The following TENM2 variants were observed in gnomAD, a reference collection of about 807,000 sequenced individuals.
The protein encoded by TENM2 is teneurin-2.
In TENM2, 52 loss-of-function variants were observed where a neutral mutation model predicts 245.2. The ratio of observed to expected loss-of-function variants is 0.21; its 90% confidence interval spans 0.17 to 0.27. TENM2 has a LOEUF of 0.27. Among genes scored for constraint, TENM2 ranks in the 10% least tolerant of loss-of-function variants. The pLI is 1.00. For missense variants in TENM2, 3,046 were observed against 3,666.8 expected (o/e 0.83, Z 4.37); for synonymous variants, 1,363 against 1,438.9 (o/e 0.95, Z 1.19).
At chr5:167,776,394 C>T (rs528683304) in intron 2 of TENM2, among the ~76,000 whole-genome samples, 36 of 151,478 alleles carry the variant, frequency 2.4e-4, no homozygotes, top group African/African-American at 8.5e-4. Context: ...TCCAGGAGTT[C>T]GAGACCAGCC....
the TENM2 span, among the ~76,000 whole-genome samples, chr5:166,979,162 T>C: frequency 7.2e-6 from 1 of 139,546 alleles, no homozygotes; most frequent in East Asian, 2.3e-4. Flanking sequence ...CTCCTCCTAA[T>C]CGTTTCCGAA....
chr5:167,557,329 A>G (rs927818960), intron 2 of TENM2, among the ~76,000 whole-genome samples: 1 of 152,202 alleles, frequency 6.6e-6, no homozygotes, highest in Non-Finnish European at 1.5e-5. Flanking sequence ...TTCCTCTTCT[A>G]CAAGGGTAGG....
intron 27 of TENM2, among the ~76,000 whole-genome samples, chr5:168,253,697 T>C (rs922854579): frequency 1.1e-4 from 16 of 152,100 alleles, no homozygotes; most frequent in Non-Finnish European, 1.6e-4. Flanking sequence ...AGTGCTGGGA[T>C]TACAGGCGTG....
the TENM2 span, among the ~76,000 whole-genome samples, chr5:167,278,040 A>C: frequency 6.6e-6 from 1 of 152,080 alleles, no homozygotes; most frequent in Non-Finnish European, 1.5e-5. Flanking sequence ...ATGGTGGCTC[A>C]TGCCTGTAAT....
chr5:168,209,804 C>T (rs1762648614), intron 19 of TENM2, among the ~76,000 whole-genome samples: 1 of 152,190 alleles, frequency 6.6e-6, no homozygotes, highest in African/African-American at 2.4e-5. Flanking sequence ...GGGCCTTCTA[C>T]TAAGTATCTG....
chr5:167,906,781 G>A (rs1776113492), intron 3 of TENM2, among the ~76,000 whole-genome samples: 1 of 152,106 alleles, frequency 6.6e-6, no homozygotes. Context: ...TAGGCTCTCT[G>A]CTAATTGGCT....
the TENM2 span, among the ~76,000 whole-genome samples, chr5:167,031,545 T>G: frequency 6.6e-6 from 1 of 152,206 alleles, no homozygotes; most frequent in East Asian, 1.9e-4. Context: ...TCCTCACATA[T>G]TTCCTTGTAT....
At chr5:167,159,373 T>C in the TENM2 span, among the ~76,000 whole-genome samples, 3 of 152,178 alleles carry the variant, frequency 2.0e-5, no homozygotes, top group Non-Finnish European at 4.4e-5. Flanking sequence ...AAGGCAAAGT[T>C]AGACAGGAGG....
At chr5:167,919,356 A>C (rs1156708423) in intron 3 of TENM2, among the ~76,000 whole-genome samples, 2 of 152,164 alleles carry the variant, frequency 1.3e-5, no homozygotes, top group Non-Finnish European at 2.9e-5. Flanking sequence ...TTTTCCAGTT[A>C]GTTTATAAGA....
At chr5:167,041,030 C>T in the TENM2 span, among the ~76,000 whole-genome samples, 1 of 152,060 alleles carries the variant, frequency 6.6e-6, no homozygotes. Context: ...TTCATTTTTC[C>T]TTGACACATC....
chr5:168,195,129 T>C, intron 14 of TENM2, 47 bp from the exon 17 acceptor site: 1 of 1,556,194 alleles, frequency 6.4e-7, no homozygotes, highest in Non-Finnish European at 8.7e-7. Flanking sequence ...GAATTGTCTC[T>C]GTTCTCCTGC....
chr5:167,070,485 T>A, the TENM2 span, among the ~76,000 whole-genome samples: 1 of 151,988 alleles, frequency 6.6e-6, no homozygotes, highest in South Asian at 2.1e-4. Context: ...TTTGACAGTT[T>A]GGAAAGTAGT....
intron 4 of TENM2, among the ~76,000 whole-genome samples, chr5:167,957,271 T>C (rs1780634717): frequency 6.6e-6 from 1 of 152,240 alleles, no homozygotes; most frequent in African/African-American, 2.4e-5. Context: ...TAGAGATGTT[T>C]ATAGTATTCT....
intron 1 of TENM2, among the ~76,000 whole-genome samples, chr5:167,361,080 A>C (rs1160091389): frequency 6.6e-6 from 1 of 152,216 alleles, no homozygotes; most frequent in Non-Finnish European, 1.5e-5. Flanking sequence ...GTAATTGAAC[A>C]TATGAGCAGG....
At chr5:168,237,245 T>A (rs1376369059) in intron 25 of TENM2, among the ~76,000 whole-genome samples, 2 of 150,570 alleles carry the variant, frequency 1.3e-5, no homozygotes, top group Non-Finnish European at 3.0e-5. Flanking sequence ...CTTGAACTCC[T>A]AACCTCAAGC....
At chr5:167,079,852 C>A in the TENM2 span, among the ~76,000 whole-genome samples, 1 of 152,222 alleles carries the variant, frequency 6.6e-6, no homozygotes, top group Admixed American at 6.5e-5. Flanking sequence ...ATGCTTAGGT[C>A]TGATAGAAAT....
intron 3 of TENM2, among the ~76,000 whole-genome samples, chr5:167,909,958 ACT>A (rs1660407133): frequency 6.7e-6 from 1 of 150,134 alleles, no homozygotes; most frequent in Non-Finnish European, 1.5e-5. Flanking sequence ...AAAATGTAAG[ACT>A]CTGTGTCAAT....
At chr5:167,559,937 G>A (rs896769236) in intron 2 of TENM2, among the ~76,000 whole-genome samples, 1 of 152,160 alleles carries the variant, frequency 6.6e-6, no homozygotes, top group Non-Finnish European at 1.5e-5. Flanking sequence ...CAAGTGCAGG[G>A]CTGACAGACA....
At chr5:167,821,196 T>G (rs1040640107) in intron 2 of TENM2, 2 of 152,210 alleles carry the variant, frequency 1.3e-5, no homozygotes, top group African/African-American at 4.8e-5. Flanking sequence ...GTTTTCCTTT[T>G]GATTAAGGCA....
Sources: gnomAD v4.1 joint callset for allele counts (sites outside exome capture counted in the v4.1 genomes callset) on GRCh38, gnomAD v4.1.1 for gene constraint, MANE v1.5 for transcripts, NCBI Gene and HGNC (gene_info 2026-07-23, HGNC 2026-07-21) for gene names.